GRHL2: variants seen among roughly 807,000 people sequenced by gnomAD.
GRHL2 encodes grainyhead like transcription factor 2.
Under a neutral mutation model 83.8 loss-of-function variants are expected in GRHL2, and 21 were observed. The observed-to-expected ratio is 0.25, with a 90% CI of 0.18 to 0.36. The LOEUF (loss-of-function observed/expected upper bound fraction) is 0.36. Ranked by LOEUF, GRHL2 falls within the 10% of genes least tolerant of loss-of-function variation. The pLI, the probability that GRHL2 is intolerant of heterozygous loss-of-function variation, is 1.00. For missense variants in GRHL2, 623 were observed against 781.8 expected, an observed-to-expected ratio of 0.80 and a Z score of 2.42; for synonymous variants, 280 against 278.9, an observed-to-expected ratio of 1.00 and a Z score of -0.04.
intron 9 of GRHL2, among the ~76,000 whole-genome samples, chr8:101,630,780 A>C (rs1813171481): frequency 6.6e-6 from 1 of 152,212 alleles, no homozygotes; most frequent in African/African-American, 2.4e-5. Context: ...GAGATAGAGC[A>C]AGGAAAAGGA....
chr8:101,639,160 C>A lies in GRHL2; in HGVS notation c.1517+2232C>A, dbSNP rs548712979. ...CTGACTGCAGTTAGATGGCCATCGA[C>A]CTACTTGTAACTCCATTGGTTTGAC... On this transcript the variant is annotated intron_variant, in intron 12 of 15. Coordinates refer to ENST00000646743, the MANE Select transcript of GRHL2 (RefSeq NM_024915.4). Among the ~76,000 whole-genome samples, 3 of 152,318 alleles carry A rather than the reference C, an allele frequency of 2.0e-5. No individual in the cohort carries two copies. In the South Asian group the frequency reaches 6.2e-4, roughly 32 times the overall value.
intron 1 of GRHL2, among the ~76,000 whole-genome samples, chr8:101,501,701 C>G (rs1480893065): frequency 6.6e-6 from 1 of 151,666 alleles, no homozygotes; most frequent in Non-Finnish European, 1.5e-5. Context: ...CTAGAAAGAG[C>G]CTTAGGGATC....
intron 9 of GRHL2, among the ~76,000 whole-genome samples, chr8:101,620,127 T>TAG (rs1586149700): frequency 6.6e-6 from 1 of 152,186 alleles, no homozygotes; most frequent in Non-Finnish European, 1.5e-5. Flanking sequence ...TCACATGGCA[T>TAG]AGAGAGAGAG....
In GRHL2 at chr8:101,662,567, C is replaced by T. The variant is rs570665692; in HGVS notation, c.1699-1887C>T. ...TTCCAATAATCCACATTTCAAACTT[C>T]ACCTTTCTCAGCTGCCTGTGAGCCC... On this transcript the variant is annotated intron_variant, in intron 14 of 15. Coordinates refer to ENST00000646743, the MANE Select transcript of GRHL2 (RefSeq NM_024915.4). Among the ~76,000 whole-genome samples the T allele has an allele frequency of 2.2e-4, 33 of 152,314 alleles. No individual in the cohort carries two copies. In the South Asian group the frequency reaches 6.8e-3, roughly 32 times the overall value.
At chr8:101,580,610 G>T (rs753162065) in intron 7 of GRHL2, among the ~76,000 whole-genome samples, 2 of 152,094 alleles carry the variant, frequency 1.3e-5, no homozygotes, top group Non-Finnish European at 2.9e-5. Flanking sequence ...AGAATTTTAC[G>T]CAAGATCACA....
At chr8:101,674,685 G>C (rs1195339293), downstream of GRHL2, among the ~76,000 whole-genome samples, 2 of 152,096 alleles carry the variant, frequency 1.3e-5, no homozygotes, top group Non-Finnish European at 2.9e-5. Flanking sequence ...AGAAAAAGAG[G>C]AAATCCTCCC....
chr8:101,650,105 A>G (rs1813590816), intron 14 of GRHL2, among the ~76,000 whole-genome samples: 4 of 152,186 alleles, frequency 2.6e-5, no homozygotes, highest in Admixed American at 2.6e-4. Context: ...CCACTGGACC[A>G]CTGCCCCATA....
chr8:101,611,200 C>T (rs1812742888), intron 8 of GRHL2, among the ~76,000 whole-genome samples: 1 of 151,090 alleles, frequency 6.6e-6, no homozygotes, highest in Admixed American at 6.6e-5. Context: ...GCTCTGAAGT[C>T]GTCCTTGCCT....
intron 14 of GRHL2, among the ~76,000 whole-genome samples, chr8:101,660,297 T>C (rs969916014): frequency 6.6e-6 from 1 of 152,234 alleles, no homozygotes; most frequent in Non-Finnish European, 1.5e-5. Flanking sequence ...ATATATCATA[T>C]CATTATATCA....
At chr8:101,666,507 C>T in intron 15 of GRHL2, 82 bp from the exon 16 acceptor site, 1 of 801,096 alleles carries the variant, frequency 1.2e-6, no homozygotes, top group South Asian at 1.4e-5. Flanking sequence ...GCTACGAGAA[C>T]CCCCAGCCTG....
Position 101,543,454 on chromosome 8 carries a change from A to G in GRHL2, c.216+18A>G. 6.2e-7 allele frequency: 1 copy of G among 1,611,496 alleles called. No individual in the cohort carries two copies. Among genetic ancestry groups the G allele is most frequent in the Non-Finnish European group, 8.5e-7 (1 of 1,177,686 alleles). Reference sequence around the variant, plus strand: ...ACTACAAGGTAGGTCCCCAGCCTCCACTTTTCTCTTCTTCCTGCTCCAGGA... The same window carrying G: ...ACTACAAGGTAGGTCCCCAGCCTCCGCTTTTCTCTTCTTCCTGCTCCAGGA... On this transcript the variant is annotated intron_variant, in intron 2 of 15. Transcript: ENST00000646743.
intron 1 of GRHL2, chr8:101,542,752 CA>C: frequency 2.2e-6 from 1 of 456,516 alleles, no homozygotes; most frequent in Non-Finnish European, 4.4e-6. Flanking sequence ...AGCATCTGAC[CA>C]AGGACTTCTT....
intron 4 of GRHL2, among the ~76,000 whole-genome samples, chr8:101,568,620 C>T (rs2130212342): frequency 6.6e-6 from 1 of 151,922 alleles, no homozygotes; most frequent in South Asian, 2.1e-4. Context: ...ATTCCATCCC[C>T]TCAACCAATT....
At chr8:101,548,723 AG>A (rs1243465124) in intron 2 of GRHL2, among the ~76,000 whole-genome samples, 1 of 152,204 alleles carries the variant, frequency 6.6e-6, no homozygotes, top group Non-Finnish European at 1.5e-5. Flanking sequence ...TGGTTTGTAA[AG>A]CCAAAGTTTC....
At chr8:101,664,342 G>GAAT in intron 14 of GRHL2, 112 bp from the exon 15 acceptor site, 1 of 765,836 alleles carries the variant, frequency 1.3e-6, no homozygotes. Context: ...CATGAGTGAA[G>GAAT]AGCACTCTAT....
chr8:101,568,697 T>A (rs1318905983), intron 4 of GRHL2, among the ~76,000 whole-genome samples: 4 of 152,162 alleles, frequency 2.6e-5, no homozygotes, highest in African/African-American at 9.7e-5. Context: ...CAAAGCAGAT[T>A]GTGAAGCCCC....
intron 9 of GRHL2, among the ~76,000 whole-genome samples, chr8:101,622,786 C>A (rs1011609968): frequency 6.6e-6 from 1 of 152,154 alleles, no homozygotes; most frequent in Non-Finnish European, 1.5e-5. Flanking sequence ...GTGCCCATCA[C>A]CCGAGCAGTA....
chr8:101,541,736 A>T (rs2130117000), intron 1 of GRHL2, among the ~76,000 whole-genome samples: 1 of 152,246 alleles, frequency 6.6e-6, no homozygotes, highest in South Asian at 2.1e-4. Context: ...CTGTTATTTG[A>T]TAGCCGAGCA....
chr8:101,516,023 G>A (rs531402970), intron 1 of GRHL2, among the ~76,000 whole-genome samples: 10 of 152,142 alleles, frequency 6.6e-5, no homozygotes, highest in Non-Finnish European at 1.2e-4. Context: ...AGCAGAGATG[G>A]AACTTGAACC....
Sources: gnomAD v4.1 joint callset for allele counts (sites outside exome capture counted in the v4.1 genomes callset) on GRCh38, gnomAD v4.1.1 for gene constraint, MANE v1.5 for transcripts, NCBI Gene and HGNC (gene_info 2026-07-23, HGNC 2026-07-21) for gene names.